SEMA5A: variants seen among roughly 807,000 people sequenced by gnomAD.
SEMA5A encodes the protein semaphorin-5A.
A neutral mutation model predicts 135.5 loss-of-function variants in SEMA5A; 55 were observed. The observed-to-expected ratio is 0.41, with a 90% CI of 0.33 to 0.51. SEMA5A has a LOEUF of 0.51. Among genes scored for constraint, SEMA5A ranks in the 20% least tolerant of loss-of-function variants. The probability of loss-of-function intolerance (pLI) is 0.37; values close to 1 mark genes in which losing one functional copy is unlikely to be tolerated. For synonymous variants in SEMA5A, 580 were observed against 546.5 expected (o/e 1.06, Z -0.85); for missense variants, 1,290 against 1,419.9 (o/e 0.91, Z 1.47).
chr5:9,259,403 C>T (rs1162567440), intron 5 of SEMA5A, among the ~76,000 whole-genome samples: 1 of 151,900 alleles, frequency 6.6e-6, no homozygotes, highest in Non-Finnish European at 1.5e-5. Flanking sequence ...TTTGATTGCA[C>T]TGTGGTCTGA....
intron 2 of SEMA5A, among the ~76,000 whole-genome samples, chr5:9,415,413 G>A (rs1487127904): frequency 1.3e-5 from 2 of 152,108 alleles, no homozygotes; most frequent in Admixed American, 6.5e-5. Flanking sequence ...ATGATAGCAC[G>A]AGGAGGGACA....
chr5:9,135,985 T>A (rs1237322717), intron 13 of SEMA5A, among the ~76,000 whole-genome samples: 1 of 152,224 alleles, frequency 6.6e-6, no homozygotes, highest in African/African-American at 2.4e-5. Flanking sequence ...CATAGAGTCC[T>A]CTATGGGAAC....
chr5:9,297,522 C>T (rs2150600902), intron 5 of SEMA5A, among the ~76,000 whole-genome samples: 1 of 152,164 alleles, frequency 6.6e-6, no homozygotes, highest in South Asian at 2.1e-4. Context: ...ACTTTCAGGC[C>T]TTCAGAACTG....
intron 3 of SEMA5A, among the ~76,000 whole-genome samples, chr5:9,351,346 T>G (rs1390154413): frequency 6.6e-6 from 1 of 152,168 alleles, no homozygotes; most frequent in African/African-American, 2.4e-5. Flanking sequence ...GTAAATTCCT[T>G]CCTAGAATCA....
intron 1 of SEMA5A, among the ~76,000 whole-genome samples, chr5:9,484,089 G>A (rs747085859): frequency 4.6e-5 from 7 of 152,166 alleles, no homozygotes; most frequent in African/African-American, 7.2e-5. Context: ...ACAAGGAAAG[G>A]ATAAAATGAA....
intron 5 of SEMA5A, among the ~76,000 whole-genome samples, chr5:9,251,800 A>G (rs1748805693): frequency 6.6e-6 from 1 of 152,210 alleles, no homozygotes; most frequent in Non-Finnish European, 1.5e-5. Flanking sequence ...CTCAAGAGAT[A>G]AGAATGAATC....
chr5:9,350,531 G>A (rs1376287809), intron 3 of SEMA5A, among the ~76,000 whole-genome samples: 3 of 152,164 alleles, frequency 2.0e-5, no homozygotes, highest in Non-Finnish European at 4.4e-5. Context: ...AGTTTACAGT[G>A]GGGACCTGTG....
chr5:9,278,446 C>T (rs751074115), intron 5 of SEMA5A, among the ~76,000 whole-genome samples: 7 of 152,108 alleles, frequency 4.6e-5, no homozygotes, highest in Non-Finnish European at 1.0e-4. Flanking sequence ...ATGGCCATGT[C>T]GTAGAAAAGA....
intron 13 of SEMA5A, among the ~76,000 whole-genome samples, chr5:9,129,424 C>G (rs1741283807): frequency 6.6e-6 from 1 of 152,188 alleles, no homozygotes; most frequent in African/African-American, 2.4e-5. Flanking sequence ...ACTTGCAATC[C>G]TTAGAAAAGT....
At chr5:9,520,301 C>T (rs779698523) in intron 1 of SEMA5A, among the ~76,000 whole-genome samples, 12 of 152,174 alleles carry the variant, frequency 7.9e-5, no homozygotes, top group African/African-American at 1.2e-4. Flanking sequence ...CCACACTCCA[C>T]GGGAGGAGGT....
At chr5:9,419,289 T>C (rs999366510) in intron 2 of SEMA5A, among the ~76,000 whole-genome samples, 5 of 152,188 alleles carry the variant, frequency 3.3e-5, no homozygotes, top group African/African-American at 1.2e-4. Flanking sequence ...TGACCAAGCA[T>C]GTGGTCGATC....
chr5:9,141,157 A>T (rs1742046336), intron 12 of SEMA5A, among the ~76,000 whole-genome samples: 2 of 152,208 alleles, frequency 1.3e-5, no homozygotes, highest in African/African-American at 4.8e-5. Flanking sequence ...TTCTGATGAG[A>T]TCTACCTTTA....
At chr5:9,108,988 CCTCCTTTATCCT>C (rs776976545) in intron 15 of SEMA5A, among the ~76,000 whole-genome samples, 180 of 150,708 alleles carry the variant, frequency 1.2e-3, no homozygotes, top group Non-Finnish European at 2.2e-3. Context: ...ATATCCAAAG[CCTCCTTTATCCT>C]TATCATGAGT....
At chr5:9,411,017 C>A (rs1299431072) in intron 2 of SEMA5A, among the ~76,000 whole-genome samples, 1 of 149,354 alleles carries the variant, frequency 6.7e-6, no homozygotes, top group East Asian at 2.0e-4. Context: ...TTTCTCATTT[C>A]ATCTTGTGAT....
chr5:9,277,993 G>C (rs1472210568), intron 5 of SEMA5A, among the ~76,000 whole-genome samples: 1 of 151,792 alleles, frequency 6.6e-6, no homozygotes, highest in Non-Finnish European at 1.5e-5. Context: ...AGACAGTATT[G>C]ACTTATCAAT....
chr5:9,190,384 C>T lies in SEMA5A; in HGVS notation c.1156G>A (p.Val386Ile). The change falls in exon 11 of 23, where the codon GTA becomes ATA. Residue 386 changes from valine to isoleucine, a missense_variant. Coordinates refer to ENST00000382496, the MANE Select transcript of SEMA5A (RefSeq NM_003966.3). Reference sequence around the variant, plus strand: ...GAGGGCACTGTGGTCACTGGCTGTACCACCTCATGCATCAGAATGAACTTC... The same window carrying T: ...GAGGGCACTGTGGTCACTGGCTGTATCACCTCATGCATCAGAATGAACTTC... ...AQKFILMHEVVQPVTTVPSFM... is the reference protein window; with the variant it reads ...AQKFILMHEVIQPVTTVPSFM... 1 of 1,614,002 alleles carries T rather than the reference C, an allele frequency of 6.2e-7. No individual in the cohort carries two copies. Among genetic ancestry groups the T allele is most frequent in the South Asian group, 1.1e-5 (1 of 91,066 alleles).
intron 1 of SEMA5A, among the ~76,000 whole-genome samples, chr5:9,497,460 A>G (rs933411395): frequency 6.6e-6 from 1 of 152,170 alleles, no homozygotes; most frequent in Non-Finnish European, 1.5e-5. Context: ...AGCTTCAGAT[A>G]TTTGTTTTCC....
At chr5:9,148,281 T>A (rs116988772) in intron 12 of SEMA5A, among the ~76,000 whole-genome samples, 2,188 of 152,292 alleles carry the variant, frequency 0.014, 36 homozygotes, top group South Asian at 0.086. Context: ...AAAAGGTAGA[T>A]GATAATCTAA....
At chr5:9,227,216 C>T (rs1319191185) in intron 6 of SEMA5A, among the ~76,000 whole-genome samples, 1 of 151,992 alleles carries the variant, frequency 6.6e-6, no homozygotes, top group African/African-American at 2.4e-5. Context: ...GTATCTGCAC[C>T]TTGTTTGATA....
Sources: allele counts gnomAD v4.1 joint callset (sites outside exome capture counted in the v4.1 genomes callset), GRCh38; gene constraint gnomAD v4.1.1; transcripts MANE v1.5; gene names NCBI Gene and HGNC (gene_info 2026-07-23, HGNC 2026-07-21).